The following GNB5 variants were observed in gnomAD, a reference collection of about 807,000 sequenced individuals.
GNB5 encodes the protein G protein subunit beta 5, also known as guanine nucleotide-binding protein subunit beta-5.
A neutral mutation model predicts 55.3 loss-of-function variants in GNB5; 37 were observed. The observed-to-expected ratio is 0.67, with a 90% CI of 0.51 to 0.88. The LOEUF (loss-of-function observed/expected upper bound fraction) is 0.88. Among genes scored for constraint, GNB5 ranks in the 40% least tolerant of loss-of-function variants. GNB5 has a pLI of 0.00. For synonymous variants in GNB5, 219 were observed against 198.5 expected (o/e 1.10, Z -0.87); for missense variants, 476 against 515.3 (o/e 0.92, Z 0.74).
chr15:52,164,797 T>C (rs1371713672), intron 3 of GNB5, among the ~76,000 whole-genome samples: 3 of 150,294 alleles, frequency 2.0e-5, no homozygotes, highest in Admixed American at 6.6e-5. Context: ...AAGGCCAGAG[T>C]GCCTCTTCTC....
At position 52,139,863 on chromosome 15, in the gene GNB5, G is replaced by C. The variant is rs184818028; in HGVS notation, c.627+1277C>G. ...ACCCTGCCCCGGGGCAACACAGAGCGAGTCTGATGGGTCTCCACAGAGGGG... is the reference window on the plus strand; with the variant it reads ...ACCCTGCCCCGGGGCAACACAGAGCCAGTCTGATGGGTCTCCACAGAGGGG... On this transcript the variant is annotated intron_variant, in intron 7 of 12. Coordinates refer to ENST00000261837, the MANE Select transcript of GNB5 (RefSeq NM_016194.4). 4 of 1,286,150 alleles carry C rather than the reference G, an allele frequency of 3.1e-6. No individual in the cohort carries two copies. In the African/African-American group the frequency reaches 6.1e-5, roughly 20 times the overall value. The allele number at this position is 1,286,150 out of a possible 1,614,324, so 79.7% of individuals were successfully genotyped here.
At chr15:52,134,900 A>C (rs2033664411) in intron 8 of GNB5, among the ~76,000 whole-genome samples, 1 of 152,006 alleles carries the variant, frequency 6.6e-6, no homozygotes, top group Non-Finnish European at 1.5e-5. Flanking sequence ...TACACACTGC[A>C]AACTCTTCCA....
Position 52,149,891 on chromosome 15 carries a change from G to A in GNB5, c.410C>T (p.Thr137Ile). 6.2e-7 allele frequency: 1 copy of A among 1,611,150 alleles called. No homozygotes were observed. Among genetic ancestry groups the A allele is most frequent in the Non-Finnish European group, 8.5e-7 (1 of 1,177,288 alleles). ...GKVIVWDSFTTNKEHAVTMPC... is the reference protein window; with the variant it reads ...GKVIVWDSFTINKEHAVTMPC... ...CTGGGAACAATGCCTCACCTTGTTT[G>A]TGGTGAAGGAATCCCACACGATCAC... Residue 137 changes from threonine to isoleucine, a missense_variant, in exon 5 of 13, where the codon ACA becomes ATA. By Grantham distance (89) the Thr-to-Ile change is moderately conservative (BLOSUM62 -1). Transcript: ENST00000261837.
chr15:52,169,483 A>T (rs1451726809), intron 3 of GNB5, among the ~76,000 whole-genome samples: 1 of 135,756 alleles, frequency 7.4e-6, no homozygotes, highest in Non-Finnish European at 1.6e-5. Context: ...GGTTGCAGTG[A>T]GCAGAGATCA....
chr15:52,186,027 C>T (rs1005622308), intron 1 of GNB5, among the ~76,000 whole-genome samples: 2 of 152,134 alleles, frequency 1.3e-5, no homozygotes, highest in African/African-American at 4.8e-5. Context: ...TATCCACCCA[C>T]CTCGGCCTCC....
intron 3 of GNB5, among the ~76,000 whole-genome samples, chr15:52,175,329 C>T (rs79037906): frequency 0.049 from 7,505 of 152,298 alleles, 239 homozygotes; most frequent in African/African-American, 0.087. Flanking sequence ...CCACACATTC[C>T]CAATTCACAG....
At chr15:52,161,595 C>T (rs1329017794) in intron 3 of GNB5, among the ~76,000 whole-genome samples, 1 of 152,204 alleles carries the variant, frequency 6.6e-6, no homozygotes, top group Admixed American at 6.5e-5. Context: ...GCCACCGTGC[C>T]CAGCCATACC....
intron 3 of GNB5, among the ~76,000 whole-genome samples, chr15:52,177,889 C>T (rs913117935): frequency 1.3e-5 from 2 of 152,130 alleles, no homozygotes; most frequent in Non-Finnish European, 1.5e-5. Context: ...GGGATAGACC[C>T]TTCCACTGTG....
rs563895138 is a variant in GNB5 at position 52,150,063 on chromosome 15, CT to C, written c.376-139del. On this transcript the variant is annotated intron_variant, in intron 4 of 12. Coordinates refer to ENST00000261837, the MANE Select transcript of GNB5 (RefSeq NM_016194.4). ...TGAGGATCTGGATAATCAAGACCCC[CT>C]AATCTATCCATGAAAAAAAGTGGGG... 2,094 of 667,180 alleles carry C rather than the reference CT, an allele frequency of 3.1e-3. 19 individuals are homozygous for C. The highest frequency in any genetic ancestry group is 0.012 in the East Asian group (466 of 37,754). The allele number at this position is 667,180 out of a possible 1,614,324, so 41.3% of individuals were successfully genotyped here.
chr15:52,143,963 C>T (rs1267391960), intron 6 of GNB5: 1 of 152,262 alleles, frequency 6.6e-6, no homozygotes, highest in East Asian at 1.9e-4. Flanking sequence ...ATGTTCATGC[C>T]TTGAACTTCC....
intron 3 of GNB5, among the ~76,000 whole-genome samples, chr15:52,164,430 A>C (rs906069312): frequency 6.6e-6 from 1 of 151,946 alleles, no homozygotes; most frequent in African/African-American, 2.4e-5. Context: ...ATTCTTGGCT[A>C]ACACGGTGAA....
chr15:52,190,763 T>G (rs1358915898), intron 1 of GNB5, among the ~76,000 whole-genome samples: 1 of 96,348 alleles, frequency 1.0e-5, no homozygotes, highest in African/African-American at 4.7e-5. Flanking sequence ...CCACAGAAAA[T>G]AATGCTTATT....
intron 1 of GNB5, among the ~76,000 whole-genome samples, chr15:52,185,994 G>T (rs993702937): frequency 6.6e-6 from 1 of 152,074 alleles, no homozygotes; most frequent in African/African-American, 2.4e-5. Flanking sequence ...GGCCAGGCTG[G>T]TCTCAAACTC....
chr15:52,150,488 C>G (rs1204498419), intron 4 of GNB5, among the ~76,000 whole-genome samples: 1 of 152,194 alleles, frequency 6.6e-6, no homozygotes, highest in African/African-American at 2.4e-5. Context: ...TGAGATCAGT[C>G]TAATTCCTCC....
chr15:52,185,334 T>G (rs780309508), intron 1 of GNB5, among the ~76,000 whole-genome samples: 1 of 152,276 alleles, frequency 6.6e-6, no homozygotes, highest in African/African-American at 2.4e-5. Context: ...GCTAGTTAGC[T>G]GACCTCTCTG....
chr15:52,120,853 A>C lies in GNB5; in HGVS notation c.*1904T>G, dbSNP rs7177966. Reference sequence around the variant, plus strand: ...GCACTCTCTCTGGGCTCCCTGGAGGAAGGCAGAGGCCCTTCATTTTTCTCT... The same window carrying C: ...GCACTCTCTCTGGGCTCCCTGGAGGCAGGCAGAGGCCCTTCATTTTTCTCT... On this transcript the variant is annotated 3_prime_UTR_variant, in exon 13 of 13. Coordinates refer to ENST00000261837, the MANE Select transcript of GNB5 (RefSeq NM_016194.4). 49,588 of 152,284 alleles carry C rather than the reference A, an allele frequency of 0.33. 13,261 individuals are homozygous for C. The highest frequency in any genetic ancestry group is 0.74 in the African/African-American group (30,814 of 41,526). The allele number at this position is 152,284 out of a possible 1,614,324, so 9.4% of individuals were successfully genotyped here.
intron 3 of GNB5, among the ~76,000 whole-genome samples, chr15:52,174,550 T>C (rs1012365888): frequency 6.6e-6 from 1 of 152,154 alleles, no homozygotes; most frequent in African/African-American, 2.4e-5. Flanking sequence ...TTCCTATATT[T>C]AATGTTGGCC....
At chr15:52,147,678 CG>C (rs1052876347) in intron 5 of GNB5, 143 bp from the exon 6 acceptor site, 10 of 430,890 alleles carry the variant, frequency 2.3e-5, no homozygotes, top group Non-Finnish European at 4.2e-5. Flanking sequence ...CATCTGCCTC[CG>C]GGGTTCAAGC....
intron 3 of GNB5, among the ~76,000 whole-genome samples, chr15:52,159,745 G>A (rs1319040532): frequency 1.3e-5 from 2 of 152,152 alleles, no homozygotes; most frequent in South Asian, 4.1e-4. Flanking sequence ...TCACAGTCTG[G>A]AGGGGGCAGA....
Sources: allele counts gnomAD v4.1 joint callset (sites outside exome capture counted in the v4.1 genomes callset), GRCh38; gene constraint gnomAD v4.1.1; transcripts MANE v1.5; gene names NCBI Gene and HGNC (gene_info 2026-07-23, HGNC 2026-07-21).